Variants in ITGBL1 observed in about 807,000 individuals in gnomAD.
ITGBL1 encodes integrin beta-like protein 1.
In ITGBL1, 51 loss-of-function variants were observed where a neutral mutation model predicts 68.5. The ratio of observed to expected loss-of-function variants is 0.74; its 90% confidence interval spans 0.59 to 0.94. The LOEUF (loss-of-function observed/expected upper bound fraction) is 0.94. Among genes scored for constraint, ITGBL1 ranks in the 40% least tolerant of loss-of-function variants. The probability of loss-of-function intolerance (pLI) is 0.00; values close to 1 mark genes in which losing one functional copy is unlikely to be tolerated. For synonymous variants in ITGBL1, 209 were observed against 227.3 expected (o/e 0.92, Z 0.72); for missense variants, 649 against 647.4 (o/e 1.00, Z -0.03).
intron 2 of ITGBL1, among the ~76,000 whole-genome samples, chr13:101,547,943 G>A (rs1056172657): frequency 3.3e-5 from 5 of 150,714 alleles, no homozygotes; most frequent in Admixed American, 6.6e-5. Flanking sequence ...ATACACACAT[G>A]TATATACACA....
intron 2 of ITGBL1, among the ~76,000 whole-genome samples, chr13:101,512,388 C>T (rs2049130266): frequency 6.6e-6 from 1 of 152,088 alleles, no homozygotes; most frequent in Non-Finnish European, 1.5e-5. Context: ...TAAGAATTTC[C>T]ATTTTCTGAA....
chr13:101,481,266 G>A lies in ITGBL1; in HGVS notation c.316+27166G>A, dbSNP rs551027367. On this transcript the variant is annotated intron_variant, in intron 2 of 10. Transcript: ENST00000376180. ...TGGCTTTTCCAGAAAGGAGTTTCTG[G>A]GACATCACTCTTGGGATAAATAGGA... 2.0e-5 allele frequency among the ~76,000 whole-genome samples: 3 copies of A among 151,618 alleles called. No homozygotes were observed. The South Asian group carries it at 6.3e-4, about 32-fold the overall frequency.
At chr13:101,641,386 TC>T (rs2032361554) in intron 7 of ITGBL1, among the ~76,000 whole-genome samples, 1 of 152,026 alleles carries the variant, frequency 6.6e-6, no homozygotes, top group Admixed American at 6.6e-5. Flanking sequence ...TTCCTCTTGG[TC>T]TATATAGAAA....
chr13:101,531,746 T>C (rs1053747889), intron 2 of ITGBL1, among the ~76,000 whole-genome samples: 1 of 150,180 alleles, frequency 6.7e-6, no homozygotes, highest in Non-Finnish European at 1.5e-5. Context: ...TTTATTTATG[T>C]TTTTTAGACG....
At chr13:101,555,657 G>A (rs575637994) in intron 2 of ITGBL1, among the ~76,000 whole-genome samples, 31 of 145,498 alleles carry the variant, frequency 2.1e-4, no homozygotes, top group Middle Eastern at 6.9e-3. Flanking sequence ...ATATGTATGT[G>A]TATATATATG....
chr13:101,581,311 A>G (rs2050454118), intron 5 of ITGBL1, among the ~76,000 whole-genome samples: 1 of 152,160 alleles, frequency 6.6e-6, no homozygotes, highest in Non-Finnish European at 1.5e-5. Context: ...AAACTCATTT[A>G]TCCTATTATG....
At chr13:101,673,993 C>T (rs762441514) in intron 7 of ITGBL1, among the ~76,000 whole-genome samples, 13 of 152,154 alleles carry the variant, frequency 8.5e-5, no homozygotes, top group Non-Finnish European at 1.3e-4. Context: ...GTTTTAGAGA[C>T]GTATTTTGAT....
chr13:101,453,368 T>A (rs2048190566), intron 1 of ITGBL1, among the ~76,000 whole-genome samples: 1 of 152,186 alleles, frequency 6.6e-6, no homozygotes, highest in Non-Finnish European at 1.5e-5. Flanking sequence ...GTAGAGTTCC[T>A]AAAGACTGCT....
At chr13:101,667,491 AG>A (rs2033251284) in intron 7 of ITGBL1, among the ~76,000 whole-genome samples, 1 of 151,140 alleles carries the variant, frequency 6.6e-6, no homozygotes, top group Admixed American at 6.6e-5. Flanking sequence ...AAAAAAAAAA[AG>A]GAAAAGAAAG....
chr13:101,454,406 C>A (rs1030149205), intron 2 of ITGBL1, among the ~76,000 whole-genome samples: 4 of 45,892 alleles, frequency 8.7e-5, no homozygotes, highest in South Asian at 7.5e-4. Context: ...TGGTCCCCCC[C>A]CCCCCCCCCA....
At chr13:101,595,652 TG>T (rs2139318190) in intron 6 of ITGBL1, among the ~76,000 whole-genome samples, 1 of 152,260 alleles carries the variant, frequency 6.6e-6, no homozygotes, top group East Asian at 1.9e-4. Flanking sequence ...CAATGAAATA[TG>T]ACCTCACAAC....
At chr13:101,634,716 T>C (rs564210564) in intron 7 of ITGBL1, among the ~76,000 whole-genome samples, 1 of 152,256 alleles carries the variant, frequency 6.6e-6, no homozygotes, top group African/African-American at 2.4e-5. Flanking sequence ...CACAGATGTC[T>C]TACATTTCAG....
chr13:101,531,358 C>A (rs1382185163), intron 2 of ITGBL1, among the ~76,000 whole-genome samples: 1 of 152,110 alleles, frequency 6.6e-6, no homozygotes, highest in Admixed American at 6.6e-5. Flanking sequence ...TCAGTTTTTG[C>A]TAATCATTAA....
At chr13:101,567,927 G>C in intron 3 of ITGBL1, 82 bp downstream of exon 3, 1 of 1,111,292 alleles carries the variant, frequency 9.0e-7, no homozygotes, top group Non-Finnish European at 1.3e-6. Flanking sequence ...GTGGAGAAAT[G>C]TTGAATCTCA....
chr13:101,696,947 G>A (rs1238578106), intron 8 of ITGBL1, among the ~76,000 whole-genome samples: 1 of 152,094 alleles, frequency 6.6e-6, no homozygotes. Context: ...TGCAGAAATA[G>A]GATGTGAAGA....
intron 6 of ITGBL1, among the ~76,000 whole-genome samples, chr13:101,585,964 T>G (rs1307458078): frequency 1.3e-5 from 2 of 152,148 alleles, no homozygotes; most frequent in Non-Finnish European, 2.9e-5. Context: ...ATAGCGATAA[T>G]TCAGGGTCCT....
intron 2 of ITGBL1, among the ~76,000 whole-genome samples, chr13:101,559,376 A>G (rs2050063691): frequency 6.6e-6 from 1 of 152,204 alleles, no homozygotes; most frequent in Admixed American, 6.5e-5. Context: ...ATGTGAATAC[A>G]GTGAAGTAGG....
rs774329296 is a variant in ITGBL1 at position 101,452,723 on chromosome 13, G to C, written c.-111G>C. The C allele has an allele frequency of 2.5e-6, 2 of 805,484 alleles. No homozygotes were observed. Among genetic ancestry groups the C allele is most frequent in the Non-Finnish European group, 4.3e-6 (2 of 465,534 alleles). The allele number at this position is 805,484 out of a possible 1,614,324, so 49.9% of individuals were successfully genotyped here. ...CGGACCTGCAAGCCTGGGTGTCCGT[G>C]GGTCCGTCTGCCCAGCCATCTGCTG... On this transcript the variant is annotated 5_prime_UTR_variant, in exon 1 of 11. Transcript: ENST00000376180.
chr13:101,531,613 GGGA>G (rs2049478256), intron 2 of ITGBL1, among the ~76,000 whole-genome samples: 1 of 138,602 alleles, frequency 7.2e-6, no homozygotes, highest in Non-Finnish European at 1.6e-5. Context: ...ATTTTTTGGG[GGGA>G]GGGGATTTAC....
Sources: allele counts gnomAD v4.1 joint callset (sites outside exome capture counted in the v4.1 genomes callset), GRCh38; gene constraint gnomAD v4.1.1; transcripts MANE v1.5; gene names NCBI Gene and HGNC (gene_info 2026-07-23, HGNC 2026-07-21).